The following FHIT variants were observed in gnomAD, a reference collection of about 807,000 sequenced individuals.
The protein encoded by FHIT is bis(5'-adenosyl)-triphosphatase.
Under a neutral mutation model 17.9 loss-of-function variants are expected in FHIT, and 19 were observed. The ratio of observed to expected loss-of-function variants is 1.06; its 90% CI spans 0.74 to 1.56. The LOEUF (loss-of-function observed/expected upper bound fraction) is 1.56, where lower values mean the gene tolerates loss of function less well. Among genes scored for constraint, FHIT ranks in the 40% most tolerant of loss-of-function variants. The pLI, the probability that FHIT is intolerant of heterozygous loss-of-function variation, is 0.00. For missense variants in FHIT, 248 were observed against 189.2 expected, an observed-to-expected ratio of 1.31 and a Z score of -1.82; for synonymous variants, 81 against 69.7, an observed-to-expected ratio of 1.16 and a Z score of -0.81.
intron 5 of FHIT, among the ~76,000 whole-genome samples, chr3:60,035,631 G>A (rs1467664554): frequency 6.6e-6 from 1 of 152,128 alleles, no homozygotes; most frequent in African/African-American, 2.4e-5. Context: ...AATGAATTAA[G>A]GACAAGATTC....
chr3:60,249,689 GACACACACACAC>G lies in FHIT; in HGVS notation c.104-235549_104-235538del, dbSNP rs59885844. On this transcript the variant is annotated intron_variant, in intron 5 of 9. Transcript: ENST00000492590. ...CACAATATCAAGGAAATACAGCCAA[GACACACACACAC>G]ACACACACACACACACACACGGGAG... is the stretch of plus-strand genomic sequence containing the variant. Among the ~76,000 whole-genome samples, 5 of 137,318 alleles carry G rather than the reference GACACACACACAC, an allele frequency of 3.6e-5. No individual in the cohort carries two copies. In the South Asian group the frequency reaches 7.3e-4, roughly 20 times the overall value. The allele number at this position is 137,318 out of a possible 152,430, so 90.1% of individuals were successfully genotyped here.
At chr3:60,512,557 T>C (rs370467010) in intron 5 of FHIT, among the ~76,000 whole-genome samples, 4 of 151,444 alleles carry the variant, frequency 2.6e-5, no homozygotes, top group African/African-American at 7.2e-5. Context: ...CACCCCACTA[T>C]ATAATAATTA....
intron 5 of FHIT, among the ~76,000 whole-genome samples, chr3:60,467,431 T>C (rs955166623): frequency 4.6e-5 from 7 of 151,988 alleles, no homozygotes; most frequent in Non-Finnish European, 8.8e-5. Flanking sequence ...TATCATTAGT[T>C]TTTCTACTTT....
chr3:60,466,744 T>A (rs878915916), intron 5 of FHIT, among the ~76,000 whole-genome samples: 1 of 152,038 alleles, frequency 6.6e-6, no homozygotes, highest in African/African-American at 2.4e-5. Context: ...ATGCTTTTTT[T>A]AATGTGTTGC....
chr3:60,428,455 T>C (rs892124715), intron 5 of FHIT, among the ~76,000 whole-genome samples: 3 of 152,176 alleles, frequency 2.0e-5, no homozygotes, highest in African/African-American at 7.2e-5. Flanking sequence ...ACTGAATCAA[T>C]GTCCTACTTG....
intron 7 of FHIT, 39 bp downstream of exon 7, chr3:60,011,332 C>T (rs777991356): frequency 8.1e-6 from 13 of 1,599,328 alleles, no homozygotes; most frequent in African/African-American, 2.7e-5. Context: ...TTCTCATAAT[C>T]GCCTCTTATT....
chr3:60,136,766 C>T (rs1699834916), intron 5 of FHIT, among the ~76,000 whole-genome samples: 1 of 152,174 alleles, frequency 6.6e-6, no homozygotes, highest in Admixed American at 6.5e-5. Context: ...AGCCTGGCCC[C>T]TCTCACGAGG....
At chr3:59,774,025 G>C (rs13093788) in intron 8 of FHIT, among the ~76,000 whole-genome samples, 66,332 of 151,984 alleles carry the variant, frequency 0.44, 14,732 homozygotes, top group East Asian at 0.7. Flanking sequence ...AATTTTATCT[G>C]TTTTTTTAAT....
intron 4 of FHIT, among the ~76,000 whole-genome samples, chr3:60,554,557 T>A (rs2036679230): frequency 6.6e-6 from 1 of 152,190 alleles, no homozygotes; most frequent in Non-Finnish European, 1.5e-5. Context: ...CTGAATCAAC[T>A]GTGATCTTTC....
intron 2 of FHIT, among the ~76,000 whole-genome samples, chr3:61,104,521 T>C (rs572028015): frequency 6.6e-6 from 1 of 152,318 alleles, no homozygotes; most frequent in East Asian, 1.9e-4. Flanking sequence ...ATTTCAACCA[T>C]GGAGAATCTG....
chr3:61,013,453 T>C (rs1399378579), intron 3 of FHIT, among the ~76,000 whole-genome samples: 1 of 152,254 alleles, frequency 6.6e-6, no homozygotes, highest in Non-Finnish European at 1.5e-5. Context: ...TATGGTTCTA[T>C]AATTATAAAA....
chr3:60,998,126 A>G (rs1164917743), intron 3 of FHIT, among the ~76,000 whole-genome samples: 1 of 152,182 alleles, frequency 6.6e-6, no homozygotes, highest in Non-Finnish European at 1.5e-5. Flanking sequence ...TCAACTTTCA[A>G]GATAGTTCCC....
At chr3:60,260,841 G>A (rs1467333885) in intron 5 of FHIT, among the ~76,000 whole-genome samples, 2 of 151,948 alleles carry the variant, frequency 1.3e-5, no homozygotes, top group Non-Finnish European at 2.9e-5. Context: ...AGTGACCTCT[G>A]GTTGTCCTCA....
chr3:59,824,047 T>G (rs539541862), intron 8 of FHIT, among the ~76,000 whole-genome samples: 2 of 152,314 alleles, frequency 1.3e-5, no homozygotes, highest in African/African-American at 4.8e-5. Flanking sequence ...TGCTATACAC[T>G]GACAGCAACC....
At chr3:60,382,105 C>T (rs1195942547) in intron 5 of FHIT, among the ~76,000 whole-genome samples, 1 of 152,176 alleles carries the variant, frequency 6.6e-6, no homozygotes, top group African/African-American at 2.4e-5. Flanking sequence ...TTCTAACTTA[C>T]CACCTTGACC....
chr3:60,529,204 C>G (rs944053540), intron 5 of FHIT, among the ~76,000 whole-genome samples: 6 of 151,898 alleles, frequency 4.0e-5, no homozygotes, highest in Non-Finnish European at 7.4e-5. Flanking sequence ...GAAATGGCAG[C>G]TAAGTAAATA....
intron 5 of FHIT, among the ~76,000 whole-genome samples, chr3:60,064,354 G>C (rs1457598147): frequency 2.6e-5 from 4 of 152,146 alleles, no homozygotes. Flanking sequence ...TGCAATGAAA[G>C]AACACAGTAT....
chr3:60,699,845 AC>A (rs2041200525), intron 4 of FHIT, among the ~76,000 whole-genome samples: 1 of 152,062 alleles, frequency 6.6e-6, no homozygotes, highest in Non-Finnish European at 1.5e-5. Context: ...AACAAATTAA[AC>A]AAAAATGCAC....
intron 7 of FHIT, among the ~76,000 whole-genome samples, chr3:59,980,107 CT>C (rs1364062970): frequency 6.6e-6 from 1 of 152,168 alleles, no homozygotes; most frequent in Non-Finnish European, 1.5e-5. Flanking sequence ...TTACATTGCT[CT>C]TTTCCCCCTC....
Sources: allele counts gnomAD v4.1 joint callset (sites outside exome capture counted in the v4.1 genomes callset), GRCh38; gene constraint gnomAD v4.1.1; transcripts MANE v1.5; gene names NCBI Gene and HGNC (gene_info 2026-07-23, HGNC 2026-07-21).